IPO5: variants seen among roughly 807,000 people sequenced by gnomAD.
IPO5 encodes the protein importin 5.
Under a neutral mutation model 143.3 loss-of-function variants are expected in IPO5, and 18 were observed. The ratio of observed to expected loss-of-function variants is 0.13; its 90% CI spans 0.09 to 0.19. IPO5 has a LOEUF of 0.19. IPO5 is among the 10% of genes least tolerant of loss of function. IPO5 has a pLI of 1.00. For synonymous variants in IPO5, 477 were observed against 465.7 expected (o/e 1.02, Z -0.31); for missense variants, 1,013 against 1,336.9 (o/e 0.76, Z 3.78).
intron 17 of IPO5, 96 bp from the exon 18 acceptor site, chr13:98,007,963 G>C: frequency 1.5e-6 from 1 of 673,990 alleles, no homozygotes; most frequent in Non-Finnish European, 2.7e-6. Context: ...TATGACCTAT[G>C]TGGGCAATGT....
intron 22 of IPO5, among the ~76,000 whole-genome samples, chr13:98,015,242 TTGTGTGTGTGTGTGTG>T (rs1179382229): frequency 6.8e-6 from 1 of 147,724 alleles, no homozygotes; most frequent in Non-Finnish European, 1.5e-5. Context: ...TAGGAGCTGG[TTGTGTGTGTGTGTGTG>T]TGTGTGTGTG....
At chr13:97,990,917 T>G (rs1334652197) in intron 9 of IPO5, among the ~76,000 whole-genome samples, 4 of 152,170 alleles carry the variant, frequency 2.6e-5, no homozygotes, top group Non-Finnish European at 5.9e-5. Flanking sequence ...TGTATTATAA[T>G]GTAAGTTTAT....
At chr13:97,983,876 A>T (rs983147056) in intron 5 of IPO5, among the ~76,000 whole-genome samples, 12 of 151,182 alleles carry the variant, frequency 7.9e-5, no homozygotes, top group Admixed American at 1.3e-4. Context: ...TTTCTAGATG[A>T]CAAGAGGTAC....
intron 5 of IPO5, 41 bp downstream of exon 5, chr13:97,982,624 T>C: frequency 1.6e-6 from 2 of 1,235,068 alleles, no homozygotes; most frequent in South Asian, 2.5e-5. Flanking sequence ...TCTTAGAAAA[T>C]AAGTTATTAG....
In IPO5 at chr13:98,002,695, A is replaced by G. The variant is rs758259666; in HGVS notation, c.1245A>G (p.Val415=). 2.3e-5 allele frequency: 37 copies of G among 1,610,510 alleles called. No individual in the cohort carries two copies. The Middle Eastern group carries it at 3.8e-3, about 166-fold the overall frequency. ...GGAACATTTTCCAGCATCCAAGAGTAAGGTATGCAGCCTGTAATGCCGTGG... is the reference window on the plus strand; with the variant it reads ...GGAACATTTTCCAGCATCCAAGAGTGAGGTATGCAGCCTGTAATGCCGTGG... ...LLFLQDPHPR[V]RYAACNAVGQ... The change falls in exon 15 of 29, where the codon GTA becomes GTG. Residue 415 remains valine, a synonymous_variant. Transcript: ENST00000651721.
At chr13:97,971,412 T>A (rs1438415289) in intron 3 of IPO5, among the ~76,000 whole-genome samples, 1 of 151,918 alleles carries the variant, frequency 6.6e-6, no homozygotes, top group African/African-American at 2.4e-5. Flanking sequence ...TTTCAGCATA[T>A]TTTCAATAAT....
intron 5 of IPO5, among the ~76,000 whole-genome samples, chr13:97,983,732 C>A (rs1328586376): frequency 6.6e-6 from 1 of 151,982 alleles, no homozygotes; most frequent in East Asian, 1.9e-4. Context: ...AATGCTTATC[C>A]TTGATGGAAA....
At chr13:98,012,808 T>TTTTTTTTTTTTTTG (rs1889820466) in intron 21 of IPO5, among the ~76,000 whole-genome samples, 1 of 147,962 alleles carries the variant, frequency 6.8e-6, no homozygotes, top group East Asian at 2.1e-4. Flanking sequence ...TTGATTTTTT[T>TTTTTTTTTTTTTTG]TTTTTTTTTT....
intron 1 of IPO5, 109 bp downstream of exon 1, chr13:97,953,825 C>T: frequency 6.9e-6 from 3 of 432,122 alleles, no homozygotes; most frequent in South Asian, 3.3e-5. Context: ...CTGTGAGATC[C>T]AGGAGGTCCC....
At position 98,014,021 on chromosome 13, in the gene IPO5, G is replaced by A. The variant is rs566339928; in HGVS notation, c.2153-21G>A. ...TAAGCAAAATAATAAACAGTCTTTT[G>A]AGGTTCCTTAACAATGAAACGTGTT... On this transcript the variant is annotated intron_variant, in intron 21 of 28. Coordinates refer to ENST00000651721, the MANE Select transcript of IPO5 (RefSeq NM_002271.6). 9.4e-6 allele frequency: 15 copies of A among 1,598,106 alleles called. No individual in the cohort carries two copies. The South Asian group carries it at 1.7e-4, about 18-fold the overall frequency.
At chr13:97,971,677 G>A (rs545657752) in intron 3 of IPO5, among the ~76,000 whole-genome samples, 32 of 152,210 alleles carry the variant, frequency 2.1e-4, no homozygotes, top group Middle Eastern at 6.8e-3. Context: ...GGCCAGGCGC[G>A]GTGGCTCAAG....
intron 11 of IPO5, 111 bp downstream of exon 11, chr13:97,993,336 T>C: frequency 1.1e-6 from 1 of 896,800 alleles, no homozygotes; most frequent in Admixed American, 2.4e-5. Flanking sequence ...GAATATCCTT[T>C]TAGAATCAGA....
intron 13 of IPO5, chr13:98,001,713 A>G (rs1888796960): frequency 2.0e-5 from 3 of 152,338 alleles, no homozygotes; most frequent in Admixed American, 2.0e-4. Context: ...CCTAACCTCA[A>G]GTGATCCGCC....
Position 98,020,975 on chromosome 13 carries a change from T to C in IPO5, c.3066-17T>C. 6.3e-7 allele frequency: 1 copy of C among 1,594,778 alleles called. No individual in the cohort carries two copies. On this transcript the variant is annotated splice_polypyrimidine_tract_variant and intron_variant, in intron 27 of 28. Transcript: ENST00000651721. ...CTTATAAATTTCACTTACTAAGGTT[T>C]TCTTCTCATTTGTCAGTAATCATCC...
At chr13:97,986,781 A>G (rs1887390388) in intron 6 of IPO5, among the ~76,000 whole-genome samples, 1 of 152,234 alleles carries the variant, frequency 6.6e-6, no homozygotes, top group Non-Finnish European at 1.5e-5. Flanking sequence ...ATGTAATTGA[A>G]CATGCTACTT....
In IPO5 at chr13:98,006,356, ATTTTTTTTTTTTTTTTTTTT is replaced by A. The variant is rs568589408; in HGVS notation, c.1716+25_1716+44del. The A allele has an allele frequency of 1.3e-4, 74 of 556,804 alleles. 1 individual carries two copies. Among genetic ancestry groups the A allele is most frequent in the East Asian group, 6.1e-4 (13 of 21,260 alleles). The allele number at this position is 556,804 out of a possible 1,614,324, so 34.5% of individuals were successfully genotyped here. On this transcript the variant is annotated intron_variant, in intron 17 of 28. Coordinates refer to ENST00000651721, the MANE Select transcript of IPO5 (RefSeq NM_002271.6). ...GCTGTTGGGAAGGAAAAAGTAAGTA[ATTTTTTTTTTTTTTTTTTTT>A]TTTTTTTTTTTTTTTTGAGACAGAG...
At chr13:98,010,326 TAATA>T in intron 20 of IPO5, 102 bp downstream of exon 20, 1 of 1,029,598 alleles carries the variant, frequency 9.7e-7, no homozygotes, top group Non-Finnish European at 1.4e-6. Flanking sequence ...GGAGAGCCAG[TAATA>T]TGTTCCTTAA....
intron 2 of IPO5, among the ~76,000 whole-genome samples, chr13:97,965,338 A>G (rs181735685): frequency 7.9e-5 from 12 of 152,268 alleles, no homozygotes; most frequent in Admixed American, 7.9e-4. Context: ...GCACATGTAT[A>G]TCGAAACTGA....
chr13:97,978,196 C>A (rs1269969360), intron 4 of IPO5, among the ~76,000 whole-genome samples: 1 of 152,156 alleles, frequency 6.6e-6, no homozygotes, highest in African/African-American at 2.4e-5. Flanking sequence ...AAGGTGACCG[C>A]TTGTGTCGTG....
Sources: allele counts gnomAD v4.1 joint callset (sites outside exome capture counted in the v4.1 genomes callset), GRCh38; gene constraint gnomAD v4.1.1; transcripts MANE v1.5; gene names NCBI Gene and HGNC (gene_info 2026-07-23, HGNC 2026-07-21).